The following AKAP9 variants were observed in gnomAD, a reference collection of about 807,000 sequenced individuals.
The protein encoded by AKAP9 is A-kinase anchoring protein 9.
AKAP9 carries 311 observed loss-of-function variants against 488.5 expected under a neutral mutation model. The observed-to-expected ratio is 0.64, with a 90% confidence interval of 0.58 to 0.70. The LOEUF is 0.70. Ranked by LOEUF, AKAP9 falls within the 30% of genes least tolerant of loss-of-function variation. The probability of loss-of-function intolerance (pLI) is 0.00; values close to 1 mark genes in which losing one functional copy is unlikely to be tolerated. For missense variants in AKAP9, 4,215 were observed against 4,374.5 expected (o/e 0.96, Z 1.03); for synonymous variants, 1,462 against 1,483.5 (o/e 0.99, Z 0.33).
intron 1 of AKAP9, among the ~76,000 whole-genome samples, chr7:91,942,726 T>C (rs1431135037): frequency 6.6e-6 from 1 of 152,236 alleles, no homozygotes; most frequent in Non-Finnish European, 1.5e-5. Context: ...TGCTTGCAGT[T>C]GTAGTTGATG....
rs751052779 is a variant in AKAP9 at position 92,008,035 on chromosome 7, CAGG to C, written c.3319-4389_3319-4387del. Among the ~76,000 whole-genome samples the C allele has an allele frequency of 2.6e-5, 4 of 152,172 alleles. 1 individual carries two copies. On this transcript the variant is annotated intron_variant, in intron 8 of 49. Transcript: ENST00000356239. ...ATAAGCAAAGTTAGAATAACCAAAA[CAGG>C]AGGAAAAGTTTTCAAGGATTTTGAA...
intron 2 of AKAP9, among the ~76,000 whole-genome samples, chr7:91,976,748 C>CTTT: frequency 6.6e-6 from 1 of 151,870 alleles, no homozygotes; most frequent in African/African-American, 2.4e-5. Context: ...TGCTGATTCT[C>CTTT]TCTTCCTACT....
Position 92,045,231 on chromosome 7 carries a change from T to C in AKAP9, c.5368+18T>C. ...TACAAGAGGTACTAGTTTTCTGTGT[T>C]GTGGAAACAATCATTTCAACAAATC... is the stretch of plus-strand genomic sequence containing the variant. On this transcript the variant is annotated intron_variant, in intron 21 of 49. Coordinates refer to ENST00000356239, the MANE Select transcript of AKAP9 (RefSeq NM_005751.5). 1 of 1,608,132 alleles carries C rather than the reference T, an allele frequency of 6.2e-7. No homozygotes were observed. The highest frequency in any genetic ancestry group is 1.1e-5 in the South Asian group (1 of 90,924).
At chr7:92,065,026 T>G (rs548172993) in intron 24 of AKAP9, among the ~76,000 whole-genome samples, 1 of 152,110 alleles carries the variant, frequency 6.6e-6, no homozygotes, top group East Asian at 1.9e-4. Context: ...TTCTGTATAA[T>G]TTTATTAATA....
intron 16 of AKAP9, 43 bp from the exon 17 acceptor site, chr7:92,038,376 A>G (rs1348917258): frequency 3.4e-6 from 5 of 1,483,688 alleles, no homozygotes; most frequent in Non-Finnish European, 4.7e-6. Flanking sequence ...TCCTGCTGAT[A>G]TTTCTAAATC....
At chr7:92,067,180 T>C (rs1232224717) in intron 26 of AKAP9, among the ~76,000 whole-genome samples, 2 of 152,204 alleles carry the variant, frequency 1.3e-5, no homozygotes, top group Non-Finnish European at 2.9e-5. Flanking sequence ...TTTTATTTCC[T>C]ATTTATAGCC....
chr7:92,088,154 A>G (rs1814927470), intron 37 of AKAP9, among the ~76,000 whole-genome samples: 1 of 152,174 alleles, frequency 6.6e-6, no homozygotes, highest in Non-Finnish European at 1.5e-5. Context: ...CAGTGGAGAA[A>G]CCTTGCAGAT....
intron 7 of AKAP9, among the ~76,000 whole-genome samples, chr7:91,997,861 A>T (rs1021588807): frequency 6.6e-6 from 1 of 152,108 alleles, no homozygotes; most frequent in Non-Finnish European, 1.5e-5. Flanking sequence ...ACATTTTTTT[A>T]AATTTTTATT....
At position 92,038,580 on chromosome 7, in the gene AKAP9, T is replaced by G; in HGVS notation, c.4500T>G (p.Phe1500Leu). Reference sequence around the variant, plus strand: ...AATTATCACAGGATCAAATTGGTTTTCAGACTTTTGAGACAGTGGATGTGA... The same window carrying G: ...AATTATCACAGGATCAAATTGGTTTGCAGACTTTTGAGACAGTGGATGTGA... ...EMKLSQDQIGFQTFETVDVKF... is the reference protein window; with the variant it reads ...EMKLSQDQIGLQTFETVDVKF... The change falls in exon 17 of 50, where the codon TTT (phenylalanine) becomes TTG (leucine). Residue 1500 changes from phenylalanine (F) to leucine (L), a missense_variant. By Grantham distance (22) the Phe-to-Leu change is conservative. Coordinates refer to ENST00000356239, the MANE Select transcript of AKAP9 (RefSeq NM_005751.5). 6.2e-7 allele frequency: 1 copy of G among 1,613,970 alleles called. No homozygotes were observed. The highest frequency in any genetic ancestry group is 8.5e-7 in the Non-Finnish European group (1 of 1,179,924).
At chr7:92,100,142 TG>T (rs1428452296) in intron 44 of AKAP9, 1 of 358,428 alleles carries the variant, frequency 2.8e-6, no homozygotes, top group African/African-American at 2.1e-5. Context: ...AAAACTGAAT[TG>T]AAGTCGTAGT....
intron 1 of AKAP9, among the ~76,000 whole-genome samples, chr7:91,970,066 T>C (rs1320165936): frequency 2.0e-5 from 3 of 152,126 alleles, no homozygotes; most frequent in African/African-American, 7.2e-5. Context: ...TTTTTATTTG[T>C]AGTGAATTTA....
At chr7:92,029,818 T>C (rs1045451004) in intron 14 of AKAP9, 77 bp from the exon 15 acceptor site, 2 of 1,162,760 alleles carry the variant, frequency 1.7e-6, no homozygotes, top group Non-Finnish European at 2.6e-6. Context: ...ACACATTTTA[T>C]GTGTGGTGTA....
chr7:92,105,877 G>C lies in AKAP9; in HGVS notation c.11416+114G>C, dbSNP rs1818433424. On this transcript the variant is annotated intron_variant, in intron 47 of 49. Transcript: ENST00000356239. ...GGCCTGTTAGGAACCAGGCCGCACAGCAGCAGGTGAGCAGCGGGCATTACT... is the reference window on the plus strand; with the variant it reads ...GGCCTGTTAGGAACCAGGCCGCACACCAGCAGGTGAGCAGCGGGCATTACT... The C allele has an allele frequency of 5.3e-6, 5 of 936,598 alleles. No individual in the cohort carries two copies. The Admixed American group carries it at 5.4e-5, about 10-fold the overall frequency. The allele number at this position is 936,598 out of a possible 1,614,324, so 58.0% of individuals were successfully genotyped here.
At chr7:92,102,524 T>C in intron 45 of AKAP9, 70 bp from the exon 46 acceptor site, 1 of 1,316,622 alleles carries the variant, frequency 7.6e-7, no homozygotes, top group Non-Finnish European at 1.1e-6. Flanking sequence ...AAAATCTAGG[T>C]TATTTTCCCC....
intron 24 of AKAP9, among the ~76,000 whole-genome samples, chr7:92,063,861 A>G (rs528140300): frequency 2.2e-4 from 33 of 152,054 alleles, no homozygotes; most frequent in Middle Eastern, 3.4e-3. Context: ...GCTCACTGCA[A>G]CCTCCGCCTC....
intron 8 of AKAP9, among the ~76,000 whole-genome samples, chr7:92,004,638 G>A (rs911417849): frequency 6.6e-6 from 1 of 152,138 alleles, no homozygotes; most frequent in Non-Finnish European, 1.5e-5. Context: ...TGGTGTATAA[G>A]AATGCTTGTG....
At chr7:92,012,687 T>C in intron 9 of AKAP9, 45 bp downstream of exon 9, 1 of 1,469,444 alleles carries the variant, frequency 6.8e-7, no homozygotes, top group Non-Finnish European at 9.5e-7. Context: ...CAAATAAGTA[T>C]TGGATAGAGC....
Position 91,994,609 on chromosome 7 carries a change from A to G in AKAP9, c.577-12A>G. ...AAAAAAAATAAATCTAGCACTTACT[A>G]TTTTCTTTCAGTTACAAGAATTTGA... On this transcript the variant is annotated splice_polypyrimidine_tract_variant and intron_variant, in intron 5 of 49. Coordinates refer to ENST00000356239, the MANE Select transcript of AKAP9 (RefSeq NM_005751.5). The G allele has an allele frequency of 4.4e-6, 7 of 1,607,686 alleles. No individual in the cohort carries two copies. Among genetic ancestry groups the G allele is most frequent in the Non-Finnish European group, 5.9e-6 (7 of 1,176,530 alleles).
At chr7:91,989,601 C>CT (rs2130625083) in intron 3 of AKAP9, among the ~76,000 whole-genome samples, 1 of 152,028 alleles carries the variant, frequency 6.6e-6, no homozygotes, top group Admixed American at 6.6e-5. Flanking sequence ...GGTATTCACT[C>CT]TTATTATAGA....
Sources: allele counts gnomAD v4.1 joint callset (sites outside exome capture counted in the v4.1 genomes callset), GRCh38; gene constraint gnomAD v4.1.1; transcripts MANE v1.5; gene names NCBI Gene and HGNC (gene_info 2026-07-23, HGNC 2026-07-21).